Variants in SAMMSON observed in about 807,000 individuals in gnomAD.
SAMMSON encodes long intergenic non-protein coding RNA 1212.
intron 4 of SAMMSON, chr3:70,126,415 ATGTTT>A: frequency 1.3e-6 from 1 of 763,526 alleles, no homozygotes; most frequent in Non-Finnish European, 2.3e-6. Context: ...CAAAAGCTGT[ATGTTT>A]CAGCTGCCCC....
intron 3 of SAMMSON, among the ~76,000 whole-genome samples, chr3:70,020,567 G>A (rs1398888517): frequency 6.6e-6 from 1 of 152,048 alleles, no homozygotes; most frequent in African/African-American, 2.4e-5. Context: ...TCCCATCCCT[G>A]TGCAGCTTGG....
At chr3:70,395,188 GC>G (rs1376695877) in intron 2 of SAMMSON, among the ~76,000 whole-genome samples, 1 of 151,994 alleles carries the variant, frequency 6.6e-6, no homozygotes, top group Non-Finnish European at 1.5e-5. Context: ...TTGCTTTTGA[GC>G]CTCTCTAATC....
intron 6 of SAMMSON, among the ~76,000 whole-genome samples, chr3:70,250,743 T>C (rs1701757399): frequency 6.6e-6 from 1 of 152,184 alleles, no homozygotes; most frequent in African/African-American, 2.4e-5. Context: ...TGGAAGCATC[T>C]TGCAATTTGG....
At chr3:70,344,315 G>A (rs1268109504) in intron 7 of SAMMSON, among the ~76,000 whole-genome samples, 3 of 152,112 alleles carry the variant, frequency 2.0e-5, no homozygotes, top group Non-Finnish European at 4.4e-5. Context: ...AAAGAGAGAA[G>A]AGAAGGAGTG....
At chr3:70,399,200 G>A (rs774980688) in intron 2 of SAMMSON, among the ~76,000 whole-genome samples, 13 of 152,164 alleles carry the variant, frequency 8.5e-5, no homozygotes, top group South Asian at 2.1e-4. Flanking sequence ...CAACATCCTC[G>A]TTGTTTATTT....
At chr3:70,011,466 T>G (rs547867882) in intron 1 of SAMMSON, among the ~76,000 whole-genome samples, 349 of 152,240 alleles carry the variant, frequency 2.3e-3, no homozygotes, top group African/African-American at 8.1e-3. Context: ...GTTTTTTCTA[T>G]TAGTCATTCA....
At chr3:70,253,997 A>G (rs1404691185) in intron 6 of SAMMSON, among the ~76,000 whole-genome samples, 1 of 152,228 alleles carries the variant, frequency 6.6e-6, no homozygotes, top group Non-Finnish European at 1.5e-5. Flanking sequence ...ATTCAAAAAA[A>G]GGGTTAACAA....
chr3:70,188,568 A>G (rs895469153), intron 4 of SAMMSON, among the ~76,000 whole-genome samples: 1 of 152,212 alleles, frequency 6.6e-6, no homozygotes, highest in African/African-American at 2.4e-5. Context: ...AGTCTCAAAA[A>G]GTTGATATGA....
chr3:70,021,402 A>T (rs974829289), intron 3 of SAMMSON, among the ~76,000 whole-genome samples: 12 of 152,098 alleles, frequency 7.9e-5, no homozygotes, highest in Admixed American at 2.0e-4. Flanking sequence ...ACCTATTTTT[A>T]GACATTTTAG....
intron 3 of SAMMSON, among the ~76,000 whole-genome samples, chr3:70,016,031 C>T (rs1197314162): frequency 6.6e-6 from 1 of 152,170 alleles, no homozygotes; most frequent in Non-Finnish European, 1.5e-5. Flanking sequence ...CATACATGTG[C>T]TTGTGCCTTT....
intron 9 of SAMMSON, among the ~76,000 whole-genome samples, chr3:70,377,282 A>G (rs1165008083): frequency 6.6e-6 from 1 of 152,158 alleles, no homozygotes; most frequent in African/African-American, 2.4e-5. Flanking sequence ...TGATGCTGGA[A>G]ATAATAAGGT....
intron 9 of SAMMSON, among the ~76,000 whole-genome samples, chr3:70,378,448 A>G (rs1042214322): frequency 2.0e-5 from 3 of 152,108 alleles, no homozygotes; most frequent in African/African-American, 7.2e-5. Flanking sequence ...CAATTATAGG[A>G]AGAAGGATGA....
chr3:70,232,116 A>C (rs1701564986), intron 4 of SAMMSON, among the ~76,000 whole-genome samples: 1 of 152,162 alleles, frequency 6.6e-6, no homozygotes, highest in Admixed American at 6.5e-5. Flanking sequence ...ACACGGTGAC[A>C]CTGGCAGCGA....
chr3:70,096,189 C>T (rs1354934882), intron 4 of SAMMSON: 2 of 152,290 alleles, frequency 1.3e-5, no homozygotes, highest in African/African-American at 4.8e-5. Context: ...CAGAGGCTGT[C>T]ACCAGTTTCT....
At chr3:70,299,253 C>T (rs549688846) in intron 7 of SAMMSON, among the ~76,000 whole-genome samples, 6 of 152,070 alleles carry the variant, frequency 3.9e-5, no homozygotes, top group East Asian at 1.9e-4. Flanking sequence ...CACATTTATT[C>T]GTGAATCATC....
intron 4 of SAMMSON, among the ~76,000 whole-genome samples, chr3:70,110,676 A>G (rs2067384904): frequency 1.3e-5 from 2 of 152,096 alleles, no homozygotes; most frequent in African/African-American, 4.8e-5. Flanking sequence ...AATTCTAAAT[A>G]CCCTGAAGGG....
chr3:70,281,777 T>G (rs1702086228), intron 6 of SAMMSON, among the ~76,000 whole-genome samples: 2 of 152,160 alleles, frequency 1.3e-5, no homozygotes, highest in African/African-American at 4.8e-5. Context: ...TTTCTCTGAT[T>G]CCAGCAGTTC....
intron 2 of SAMMSON, among the ~76,000 whole-genome samples, chr3:70,434,492 C>G (rs548509777): frequency 1.3e-5 from 2 of 152,286 alleles, no homozygotes; most frequent in East Asian, 3.9e-4. Flanking sequence ...TTGCTGTAAT[C>G]ACTTATTAGT....
At chr3:70,116,134 G>A (rs979898909) in intron 4 of SAMMSON, among the ~76,000 whole-genome samples, 2 of 151,966 alleles carry the variant, frequency 1.3e-5, no homozygotes, top group Non-Finnish European at 2.9e-5. Context: ...AAGATTTAAC[G>A]AAAGTAACTA....
Sources: gnomAD v4.1 joint callset for allele counts (sites outside exome capture counted in the v4.1 genomes callset) on GRCh38, gnomAD v4.1.1 for gene constraint, MANE v1.5 for transcripts, NCBI Gene and HGNC (gene_info 2026-07-23, HGNC 2026-07-21) for gene names.